Variants in SLCO3A1 observed in about 807,000 individuals in gnomAD.
SLCO3A1 encodes the protein solute carrier organic anion transporter family member 3A1, also known as PGE1 transporter.
Under a neutral mutation model 63.1 loss-of-function variants are expected in SLCO3A1, and 27 were observed. The observed-to-expected ratio is 0.43, with a 90% CI of 0.32 to 0.59. SLCO3A1 has a LOEUF of 0.59. Among genes scored for constraint, SLCO3A1 ranks in the 20% least tolerant of loss-of-function variants. The probability of loss-of-function intolerance (pLI) is 0.09; values close to 1 mark genes in which losing one functional copy is unlikely to be tolerated. For missense variants in SLCO3A1, 773 were observed against 945.8 expected (o/e 0.82, Z 2.40); for synonymous variants, 473 against 409.9 (o/e 1.15, Z -1.86).
chr15:92,133,881 T>C lies in SLCO3A1; in HGVS notation c.1512+5392T>C, dbSNP rs565346651. On this transcript the variant is annotated intron_variant, in intron 7 of 9. Transcript: ENST00000318445. ...CAAACCCCACTGGTCAGTGGAATAATTGTCTTCCACGAAACTGGTCCTTGG... is the reference window on the plus strand; with the variant it reads ...CAAACCCCACTGGTCAGTGGAATAACTGTCTTCCACGAAACTGGTCCTTGG... Among the ~76,000 whole-genome samples, 9 of 152,328 alleles carry C rather than the reference T, an allele frequency of 5.9e-5. No homozygotes were observed. The South Asian group carries it at 1.5e-3, about 25-fold the overall frequency.
chr15:92,005,317 A>T (rs1016837230), intron 2 of SLCO3A1, among the ~76,000 whole-genome samples: 2 of 152,272 alleles, frequency 1.3e-5, no homozygotes, highest in African/African-American at 4.8e-5. Context: ...CTAGCCAGGC[A>T]GTCACAGCCT....
downstream of SLCO3A1, among the ~76,000 whole-genome samples, chr15:92,169,020 C>T (rs768166824): frequency 6.6e-6 from 1 of 152,192 alleles, no homozygotes; most frequent in Non-Finnish European, 1.5e-5. Flanking sequence ...AACACTGGCA[C>T]CCTAAAGTTA....
chr15:92,128,315 GT>G, intron 6 of SLCO3A1, 35 bp from the exon 7 acceptor site: 2 of 1,613,464 alleles, frequency 1.2e-6, no homozygotes, highest in African/African-American at 2.7e-5. Flanking sequence ...GAATTGACCT[GT>G]TTCTAATGGC....
At chr15:92,099,657 A>G (rs2047580614) in intron 3 of SLCO3A1, among the ~76,000 whole-genome samples, 2 of 152,176 alleles carry the variant, frequency 1.3e-5, no homozygotes. Flanking sequence ...AGTTCAGTTA[A>G]CCTTTGACAG....
chr15:92,141,903 G>T (rs1401496832), intron 7 of SLCO3A1, among the ~76,000 whole-genome samples: 1 of 152,092 alleles, frequency 6.6e-6, no homozygotes, highest in Non-Finnish European at 1.5e-5. Flanking sequence ...TTTTCCCTTG[G>T]ATCCCCTGCT....
At chr15:92,044,506 T>C (rs546416121) in intron 2 of SLCO3A1, among the ~76,000 whole-genome samples, 1 of 152,174 alleles carries the variant, frequency 6.6e-6, no homozygotes, top group East Asian at 1.9e-4. Flanking sequence ...TTTCCCTTCA[T>C]ACCCAAGTGG....
Position 91,859,068 on chromosome 15 carries a change from T to G in SLCO3A1, c.180+4980T>G, listed in dbSNP as rs1442090858. Among the ~76,000 whole-genome samples the G allele has an allele frequency of 6.6e-6, 1 of 152,262 alleles. No individual in the cohort carries two copies. The highest frequency in any genetic ancestry group is 1.5e-5 in the Non-Finnish European group (1 of 68,050). On this transcript the variant is annotated intron_variant, in intron 1 of 9. Coordinates refer to ENST00000318445, the MANE Select transcript of SLCO3A1 (RefSeq NM_013272.4). This position sits in a 1 kb window ranked among gnomAD's most constrained non-coding sequence, Gnocchi z 5.1. The stretch of plus-strand genomic sequence containing the variant: ...CTTCTCTTCTGCATATGTACTCTAT[T>G]CTGTACATTGCCGCATGCATTGCAT...
At chr15:91,921,850 C>A (rs1406815512) in intron 2 of SLCO3A1, among the ~76,000 whole-genome samples, 3 of 152,032 alleles carry the variant, frequency 2.0e-5, no homozygotes, top group Admixed American at 6.6e-5. Flanking sequence ...GTGCCTCATC[C>A]TCCCGAGTAG....
At chr15:92,029,626 G>A (rs2046620898) in intron 2 of SLCO3A1, among the ~76,000 whole-genome samples, 1 of 151,502 alleles carries the variant, frequency 6.6e-6, no homozygotes, top group South Asian at 2.1e-4. Flanking sequence ...TACAACCCAG[G>A]GAAAAAGTAC....
chr15:91,941,757 C>T lies in SLCO3A1; in HGVS notation c.646+25299C>T, dbSNP rs748350073. Among the ~76,000 whole-genome samples, 3 of 152,126 alleles carry T rather than the reference C, an allele frequency of 2.0e-5. No individual in the cohort carries two copies. The highest frequency in any genetic ancestry group is 2.9e-5 in the Non-Finnish European group (2 of 68,034). On this transcript the variant is annotated intron_variant, in intron 2 of 9. Coordinates refer to ENST00000318445, the MANE Select transcript of SLCO3A1 (RefSeq NM_013272.4). This position sits in a 1 kb window ranked among gnomAD's most constrained non-coding sequence, Gnocchi z 4.4. ...ATTCATTAACCTTCATGGAGCTTGT[C>T]TGTGTGCAACTTCATCTGAGAGCGC...
chr15:92,075,273 T>A (rs1286069264), intron 2 of SLCO3A1, among the ~76,000 whole-genome samples: 1 of 152,168 alleles, frequency 6.6e-6, no homozygotes, highest in African/African-American at 2.4e-5. Flanking sequence ...GGGGCTAAAC[T>A]TCTCCAGTCC....
At chr15:91,988,543 C>G (rs931832522) in intron 2 of SLCO3A1, among the ~76,000 whole-genome samples, 1 of 88,424 alleles carries the variant, frequency 1.1e-5, no homozygotes, top group Non-Finnish European at 3.0e-5. Flanking sequence ...AAAAAGGAAA[C>G]GTGCAGATCA....
chr15:92,063,190 C>G (rs953130592), intron 2 of SLCO3A1, among the ~76,000 whole-genome samples: 1 of 152,208 alleles, frequency 6.6e-6, no homozygotes, highest in African/African-American at 2.4e-5. Context: ...AGAACATGGT[C>G]ATGTTAACTG....
intron 2 of SLCO3A1, among the ~76,000 whole-genome samples, chr15:91,984,777 A>G (rs2046029732): frequency 6.6e-5 from 10 of 152,056 alleles, no homozygotes; most frequent in Admixed American, 6.5e-4. Context: ...ATTTCCAGTT[A>G]TTTTATCCAT....
rs1465621251 is a variant in SLCO3A1, at chr15:91,967,197, CTA to C, written c.646+50741_646+50742del. 1.3e-5 allele frequency among the ~76,000 whole-genome samples: 2 copies of C among 152,118 alleles called. No individual in the cohort carries two copies. Among genetic ancestry groups the C allele is most frequent in the African/African-American group, 4.8e-5 (2 of 41,426 alleles). ...AAAAAGATTATTAGATGGTAGGAAACTATGTCTAAATAAACCCAGTGAGTTGT... is the reference window on the plus strand; with the variant it reads ...AAAAAGATTATTAGATGGTAGGAAACTGTCTAAATAAACCCAGTGAGTTGT... On this transcript the variant is annotated intron_variant, in intron 2 of 9. Transcript: ENST00000318445. The surrounding 1 kb of genome is among the most constrained non-coding windows in gnomAD (Gnocchi z 4.4).
rs1567170514 is a variant in SLCO3A1, at chr15:91,883,652, TG to T, written c.180+29565del. ...TAAGCCTTAATAGTTACTAAGGCAATGCATTGATACATTGTTCATACGCTCA... is the reference window on the plus strand; with the variant it reads ...TAAGCCTTAATAGTTACTAAGGCAATCATTGATACATTGTTCATACGCTCA... On this transcript the variant is annotated intron_variant, in intron 1 of 9. Coordinates refer to ENST00000318445, the MANE Select transcript of SLCO3A1 (RefSeq NM_013272.4). The surrounding 1 kb of genome is among the most constrained non-coding windows in gnomAD (Gnocchi z 4.8). 6.6e-6 allele frequency among the ~76,000 whole-genome samples: 1 copy of T among 152,246 alleles called. No homozygotes were observed. The highest frequency in any genetic ancestry group is 1.9e-4 in the East Asian group (1 of 5,206).
intron 2 of SLCO3A1, among the ~76,000 whole-genome samples, chr15:91,999,840 A>G (rs1183942674): frequency 1.3e-5 from 2 of 152,242 alleles, no homozygotes; most frequent in Non-Finnish European, 2.9e-5. Flanking sequence ...GGCATTTTCT[A>G]TTACAAGTCA....
chr15:91,984,097 T>G (rs1403675756), intron 2 of SLCO3A1, among the ~76,000 whole-genome samples: 14 of 152,188 alleles, frequency 9.2e-5, no homozygotes, highest in Admixed American at 9.2e-4. Context: ...CAGGTCAGAT[T>G]TGCAGTCGGT....
At chr15:91,881,899 A>G (rs1432178853) in intron 1 of SLCO3A1, among the ~76,000 whole-genome samples, 1 of 152,052 alleles carries the variant, frequency 6.6e-6, no homozygotes, top group Non-Finnish European at 1.5e-5. Context: ...GAGTGAGGTA[A>G]CCCTGCTCCA....
Sources: gnomAD v4.1 joint callset for allele counts (sites outside exome capture counted in the v4.1 genomes callset) on GRCh38, gnomAD v4.1.1 for gene constraint, Gnocchi (gnomAD v3.1) non-coding constraint, MANE v1.5 for transcripts, NCBI Gene and HGNC (gene_info 2026-07-23, HGNC 2026-07-21) for gene names.